Variants in PDGFRL observed in about 807,000 individuals in gnomAD.
The protein encoded by PDGFRL is platelet-derived growth factor receptor-like protein.
In PDGFRL, 46 loss-of-function variants were observed where a neutral mutation model predicts 37.2. That is an observed-to-expected ratio of 1.24 (90% CI 0.98 to 1.58). PDGFRL has a LOEUF of 1.58. Ranked by LOEUF, PDGFRL falls within the 40% of genes most tolerant of loss-of-function variation. The probability of loss-of-function intolerance (pLI) is 0.00; values close to 1 mark genes in which losing one functional copy is unlikely to be tolerated. For synonymous variants in PDGFRL, 251 were observed against 184.3 expected, an observed-to-expected ratio of 1.36 and a Z score of -2.93; for missense variants, 692 against 467.6, an observed-to-expected ratio of 1.48 and a Z score of -4.43.
At chr8:17,620,556 C>G (rs563034994) in intron 2 of PDGFRL, among the ~76,000 whole-genome samples, 2 of 152,186 alleles carry the variant, frequency 1.3e-5, no homozygotes, top group African/African-American at 4.8e-5. Context: ...TAGCTAAAGT[C>G]CGTAGTTTAA....
At chr8:17,637,347 T>C (rs1364190861) in intron 5 of PDGFRL, among the ~76,000 whole-genome samples, 1 of 152,186 alleles carries the variant, frequency 6.6e-6, no homozygotes, top group Admixed American at 6.5e-5. Context: ...GATCATGTGA[T>C]TTTTTGTTTT....
At chr8:17,618,487 G>C (rs1386367578) in intron 2 of PDGFRL, among the ~76,000 whole-genome samples, 2 of 152,180 alleles carry the variant, frequency 1.3e-5, no homozygotes, top group Non-Finnish European at 2.9e-5. Flanking sequence ...ATAACACAAT[G>C]AATCAGGCAT....
intron 1 of PDGFRL, among the ~76,000 whole-genome samples, chr8:17,581,985 C>G (rs1585295554): frequency 6.6e-6 from 1 of 151,978 alleles, no homozygotes. Context: ...TTGGAGGGCT[C>G]AGAAGAAAAC....
chr8:17,634,957 G>A (rs1358181106), intron 5 of PDGFRL, among the ~76,000 whole-genome samples: 5 of 147,204 alleles, frequency 3.4e-5, no homozygotes, highest in African/African-American at 1.3e-4. Context: ...ATATACCCCT[G>A]AACCTAAAAT....
intron 2 of PDGFRL, among the ~76,000 whole-genome samples, chr8:17,608,659 T>C (rs2466169): frequency 0.74 from 111,942 of 151,900 alleles, 41,773 homozygotes; most frequent in East Asian, 0.84. Context: ...GTCTACTAAG[T>C]CAGAATGCTT....
intron 2 of PDGFRL, among the ~76,000 whole-genome samples, chr8:17,618,715 A>G (rs1804576334): frequency 6.6e-6 from 1 of 152,094 alleles, no homozygotes; most frequent in Admixed American, 6.5e-5. Context: ...GTTTAACTCA[A>G]TTCGCTCATG....
chr8:17,606,649 T>C (rs1177573132), intron 2 of PDGFRL, among the ~76,000 whole-genome samples: 1 of 152,126 alleles, frequency 6.6e-6, no homozygotes, highest in Non-Finnish European at 1.5e-5. Flanking sequence ...GTGTACTCAA[T>C]GTTCTGAGAG....
rs138770134 is a variant in PDGFRL, at chr8:17,589,652, C to G, written c.240C>G (p.Pro80=). 2 of 1,613,726 alleles carry G rather than the reference C, an allele frequency of 1.2e-6. No individual in the cohort carries two copies. The highest frequency in any genetic ancestry group is 2.2e-5 in the South Asian group (2 of 91,062). Residue 80 remains proline (P), a synonymous_variant, in exon 2 of 6, where the codon CCC becomes CCG. Transcript: ENST00000251630. ...QVLDKGRFQK[P]AATLSLLAGQ... ...TGGATAAAGGTCGCTTCCAGAAACC[C>G]GCCGCTACCCTGAGTCTGCTGGCGG...
At chr8:17,590,951 T>C (rs3824327) in intron 2 of PDGFRL, among the ~76,000 whole-genome samples, 82,437 of 149,172 alleles carry the variant, frequency 0.55, 25,226 homozygotes, top group East Asian at 0.76. Context: ...GGTGCCATCT[T>C]GGCTCACTAC....
At position 17,628,980 on chromosome 8, in the gene PDGFRL, A is replaced by T. The variant is rs371084219; in HGVS notation, c.799+200A>T. Among the ~76,000 whole-genome samples the T allele has an allele frequency of 1.1e-4, 17 of 151,840 alleles. No individual in the cohort carries two copies. In the East Asian group the frequency reaches 3.1e-3, roughly 28 times the overall value. On this transcript the variant is annotated intron_variant, in intron 4 of 5. Coordinates refer to ENST00000251630, the MANE Select transcript of PDGFRL (RefSeq NM_001372073.1). Reference sequence around the variant, plus strand: ...TGCCCAGGCTGGAATGCAGTGGCACAACCATTTTCTCACTGCAGCATTAAA... The same window carrying T: ...TGCCCAGGCTGGAATGCAGTGGCACTACCATTTTCTCACTGCAGCATTAAA...
At chr8:17,592,748 G>C (rs932681500) in intron 2 of PDGFRL, among the ~76,000 whole-genome samples, 1 of 152,144 alleles carries the variant, frequency 6.6e-6, no homozygotes, top group South Asian at 2.1e-4. Context: ...CACAGCACTT[G>C]CTGTTTCCTC....
intron 2 of PDGFRL, among the ~76,000 whole-genome samples, chr8:17,613,948 A>G (rs2129731373): frequency 6.6e-6 from 1 of 152,346 alleles, no homozygotes; most frequent in Admixed American, 6.5e-5. Context: ...CCTGAGCCAC[A>G]TTTCACAACG....
intron 2 of PDGFRL, among the ~76,000 whole-genome samples, chr8:17,617,635 T>A (rs1362571503): frequency 6.6e-6 from 1 of 152,180 alleles, no homozygotes; most frequent in African/African-American, 2.4e-5. Flanking sequence ...AATAATTTGT[T>A]TCCTGTTTTA....
Position 17,643,085 on chromosome 8 carries a change from C to A in PDGFRL, c.*284C>A, listed in dbSNP as rs949279393. 3 of 305,008 alleles carry A rather than the reference C, an allele frequency of 9.8e-6. No individual in the cohort carries two copies. Among genetic ancestry groups the A allele is most frequent in the Non-Finnish European group, 1.8e-5 (3 of 167,832 alleles). 18.9% of individuals were successfully genotyped at this position (305,008 alleles called of 1,614,324 possible). ...AACAATTTTATATAATCAATCATTT[C>A]TATTAAATGAGCACGTTTTTGTAAA... On this transcript the variant is annotated 3_prime_UTR_variant, in exon 6 of 6. Coordinates refer to ENST00000251630, the MANE Select transcript of PDGFRL (RefSeq NM_001372073.1).
intron 2 of PDGFRL, chr8:17,596,305 C>A (rs1453935438): frequency 9.2e-6 from 11 of 1,202,086 alleles, no homozygotes; most frequent in Non-Finnish European, 1.0e-5. Flanking sequence ...GGCTGCCAGG[C>A]TGCTCACAGG....
chr8:17,585,294 C>T (rs891304367), intron 1 of PDGFRL, among the ~76,000 whole-genome samples: 25 of 152,104 alleles, frequency 1.6e-4, no homozygotes, highest in African/African-American at 5.6e-4. Context: ...GTGACGAATG[C>T]CTTTACCTCC....
chr8:17,583,142 C>G (rs1327711717), intron 1 of PDGFRL, among the ~76,000 whole-genome samples: 1 of 152,160 alleles, frequency 6.6e-6, no homozygotes, highest in Non-Finnish European at 1.5e-5. Flanking sequence ...TAGCTTCCAC[C>G]TAGATTTCAG....
intron 4 of PDGFRL, among the ~76,000 whole-genome samples, chr8:17,632,911 G>C (rs1225760456): frequency 6.6e-6 from 1 of 152,118 alleles, no homozygotes; most frequent in Non-Finnish European, 1.5e-5. Flanking sequence ...AGTTCAAACA[G>C]CGCTTCCTCA....
At chr8:17,605,168 G>GGA (rs1379415511) in intron 2 of PDGFRL, among the ~76,000 whole-genome samples, 1 of 151,944 alleles carries the variant, frequency 6.6e-6, no homozygotes, top group African/African-American at 2.4e-5. Context: ...AAGGAAGGAG[G>GGA]GAGAGAGACT....
Sources: gnomAD v4.1 joint callset for allele counts (sites outside exome capture counted in the v4.1 genomes callset) on GRCh38, gnomAD v4.1.1 for gene constraint, MANE v1.5 for transcripts, NCBI Gene and HGNC (gene_info 2026-07-23, HGNC 2026-07-21) for gene names.